Variants in GLIS3 observed in about 807,000 individuals in gnomAD.
GLIS3 encodes the protein zinc finger protein GLIS3.
In GLIS3, 53 loss-of-function variants were observed where a neutral mutation model predicts 78.6. The ratio of observed to expected loss-of-function variants is 0.67; its 90% CI spans 0.54 to 0.85. The LOEUF is 0.85. Ranked by LOEUF, GLIS3 falls within the 40% of genes least tolerant of loss-of-function variation. GLIS3 has a pLI of 0.00. For missense variants in GLIS3, 1,703 were observed against 1,231.1 expected, an observed-to-expected ratio of 1.38 and a Z score of -5.74; for synonymous variants, 684 against 509.9, an observed-to-expected ratio of 1.34 and a Z score of -4.60.
intron 1 of GLIS3, among the ~76,000 whole-genome samples, chr9:4,291,940 A>G (rs564664805): frequency 6.6e-6 from 1 of 152,280 alleles, no homozygotes; most frequent in Non-Finnish European, 1.5e-5. Context: ...TAACTCATCA[A>G]TGAGTACAGA....
chr9:4,057,961 A>G (rs1826287024), intron 4 of GLIS3, among the ~76,000 whole-genome samples: 2 of 152,178 alleles, frequency 1.3e-5, no homozygotes, highest in South Asian at 4.1e-4. Context: ...AAAAATATGT[A>G]TAGGTGTTTA....
chr9:4,130,114 G>A (rs937127547), intron 2 of GLIS3, among the ~76,000 whole-genome samples: 21 of 152,198 alleles, frequency 1.4e-4, no homozygotes, highest in African/African-American at 3.9e-4. Context: ...TCTAAGCAGC[G>A]AAGAGTTCAA....
intron 4 of GLIS3, among the ~76,000 whole-genome samples, chr9:3,964,950 G>C (rs1327740201): frequency 1.3e-5 from 2 of 152,004 alleles, no homozygotes; most frequent in African/African-American, 2.4e-5. Flanking sequence ...TTTGAAGTCA[G>C]ATACAAATAA....
At chr9:4,097,129 A>T (rs995220781) in intron 4 of GLIS3, among the ~76,000 whole-genome samples, 2 of 152,198 alleles carry the variant, frequency 1.3e-5, no homozygotes. Flanking sequence ...TCTTCCTCCC[A>T]TTAGGGCCCT....
At chr9:4,098,477 C>T (rs1050658260) in intron 4 of GLIS3, among the ~76,000 whole-genome samples, 1 of 152,116 alleles carries the variant, frequency 6.6e-6, no homozygotes, top group Non-Finnish European at 1.5e-5. Flanking sequence ...CTAACCCTCA[C>T]CCCTGAAGAA....
At chr9:4,264,195 C>G (rs1453027496) in intron 2 of GLIS3, among the ~76,000 whole-genome samples, 1 of 152,152 alleles carries the variant, frequency 6.6e-6, no homozygotes, top group Non-Finnish European at 1.5e-5. Flanking sequence ...ATGTTCAAAC[C>G]AAACACCTAG....
the GLIS3 span, among the ~76,000 whole-genome samples, chr9:4,395,777 C>CTTTTTTTTTTTTTTT: frequency 3.9e-5 from 5 of 127,718 alleles, no homozygotes; most frequent in African/African-American, 9.0e-5. Flanking sequence ...TTCTTTTTTT[C>CTTTTTTTTTTTTTTT]TTTTTTTTTT....
In GLIS3 at chr9:4,029,288, G is replaced by C. The variant is rs567994662; in HGVS notation, c.1710+88480C>G. 4.0e-5 allele frequency among the ~76,000 whole-genome samples: 6 copies of C among 151,824 alleles called. 1 individual carries two copies. In the South Asian group the frequency reaches 1.0e-3, roughly 27 times the overall value. On this transcript the variant is annotated intron_variant, in intron 4 of 10. Coordinates refer to ENST00000381971, the MANE Select transcript of GLIS3 (RefSeq NM_001042413.2). ...ATTCCAGCAGACCTTTTCCCCCCGA[G>C]ACCAAAATGTGTGCTCCCCATCATT...
At chr9:4,119,062 A>G (rs1006565433) in intron 3 of GLIS3, among the ~76,000 whole-genome samples, 181 bp from the exon 4 acceptor site, 1 of 152,234 alleles carries the variant, frequency 6.6e-6, no homozygotes, top group African/African-American at 2.4e-5. Flanking sequence ...TTCCAGGTAA[A>G]TAACATTTTA....
chr9:3,938,760 G>A (rs964945863), intron 4 of GLIS3, among the ~76,000 whole-genome samples: 7 of 152,172 alleles, frequency 4.6e-5, no homozygotes, highest in Admixed American at 3.9e-4. Flanking sequence ...CTGAGCAGAA[G>A]ATGAATGCTG....
chr9:3,835,309 C>A (rs546224808), intron 9 of GLIS3, among the ~76,000 whole-genome samples: 2 of 152,196 alleles, frequency 1.3e-5, no homozygotes, highest in Non-Finnish European at 2.9e-5. Flanking sequence ...TCCAGAAGGT[C>A]CACATATGAC....
chr9:3,971,939 T>G (rs1447250239), intron 4 of GLIS3, among the ~76,000 whole-genome samples: 1 of 152,170 alleles, frequency 6.6e-6, no homozygotes, highest in Admixed American at 6.6e-5. Context: ...GAGTGGCATG[T>G]GTTTGCTCTG....
At chr9:4,286,546 G>A in intron 1 of GLIS3, 23 bp from the exon 2 acceptor site, 1 of 1,223,458 alleles carries the variant, frequency 8.2e-7, no homozygotes, top group Non-Finnish European at 1.2e-6. Flanking sequence ...ATAAACGCAG[G>A]CATTTTTAAA....
intron 2 of GLIS3, among the ~76,000 whole-genome samples, chr9:4,315,268 C>T (rs1480929223): frequency 6.6e-6 from 1 of 152,150 alleles, no homozygotes; most frequent in Non-Finnish European, 1.5e-5. Flanking sequence ...TTCAAGCTGA[C>T]CCAACATGAT....
At chr9:4,340,693 G>C (rs759901203) in intron 2 of GLIS3, among the ~76,000 whole-genome samples, 63 of 152,074 alleles carry the variant, frequency 4.1e-4, no homozygotes, top group Non-Finnish European at 7.8e-4. Context: ...TCTTGTTTTT[G>C]TTTAATTTTT....
intron 1 of GLIS3, chr9:4,298,492 G>T (rs942879243): frequency 4.5e-6 from 2 of 442,696 alleles, no homozygotes; most frequent in Non-Finnish European, 9.1e-6. Context: ...GAGTAACTTG[G>T]AACTGTCGCT....
At chr9:3,828,560 A>C in intron 10 of GLIS3, 152 bp from the exon 11 acceptor site, 1 of 961,388 alleles carries the variant, frequency 1.0e-6, no homozygotes, top group Non-Finnish European at 1.6e-6. Context: ...CTCTGTTTCC[A>C]GCGACCTTAG....
At chr9:4,085,622 T>C (rs6476805) in intron 4 of GLIS3, among the ~76,000 whole-genome samples, 148,908 of 152,304 alleles carry the variant, frequency 0.98, 72,820 homozygotes, top group Middle Eastern at 1. Context: ...GAAGTGTAAT[T>C]CCCACTGTTG....
Position 4,180,261 on chromosome 9 carries a change from A to T in GLIS3, c.389-54320T>A, listed in dbSNP as rs1563707347. On this transcript the variant is annotated intron_variant, in intron 2 of 10. Transcript: ENST00000381971. ...ACAGTTTCCCACCGGCATGATCTCC[A>T]AAGCTACTCCGGTCCTAGGTCAGCA... 2.0e-5 allele frequency among the ~76,000 whole-genome samples: 3 copies of T among 152,308 alleles called. No homozygotes were observed. The East Asian group carries it at 5.8e-4, about 29-fold the overall frequency.
Sources: gnomAD v4.1 joint callset for allele counts (sites outside exome capture counted in the v4.1 genomes callset) on GRCh38, gnomAD v4.1.1 for gene constraint, MANE v1.5 for transcripts, NCBI Gene and HGNC (gene_info 2026-07-23, HGNC 2026-07-21) for gene names.